Variants in FAM227B observed in about 807,000 individuals in gnomAD.
FAM227B encodes the protein protein FAM227B.
FAM227B carries 88 observed loss-of-function variants against 73.8 expected under a neutral mutation model. The ratio of observed to expected loss-of-function variants is 1.19; its 90% confidence interval spans 1.00 to 1.42. The LOEUF is 1.42. Among genes scored for constraint, FAM227B ranks in the 40% most tolerant of loss-of-function variants. The pLI is 0.00. For missense variants in FAM227B, 632 were observed against 590.9 expected, an observed-to-expected ratio of 1.07 and a Z score of -0.72; for synonymous variants, 210 against 190.5, an observed-to-expected ratio of 1.10 and a Z score of -0.84.
At chr15:49,343,263 G>C (rs2041007826) in intron 13 of FAM227B, among the ~76,000 whole-genome samples, 1 of 151,812 alleles carries the variant, frequency 6.6e-6, no homozygotes, top group African/African-American at 2.4e-5. Flanking sequence ...TGGTTATTTT[G>C]AAAGACTGGT....
At chr15:49,383,702 C>T (rs1371241042) in intron 11 of FAM227B, among the ~76,000 whole-genome samples, 2 of 152,032 alleles carry the variant, frequency 1.3e-5, no homozygotes, top group Non-Finnish European at 2.9e-5. Flanking sequence ...CAGTAGATAA[C>T]AGATGACGGA....
At chr15:49,533,381 T>C (rs76258219) in intron 10 of FAM227B, among the ~76,000 whole-genome samples, 3,013 of 152,082 alleles carry the variant, frequency 0.02, 124 homozygotes, top group African/African-American at 0.069. Context: ...ATATGTCTGT[T>C]AGGTCCATTT....
At chr15:49,328,808 G>A in intron 15 of FAM227B, 133 bp from the exon 16 acceptor site, 6 of 1,416,536 alleles carry the variant, frequency 4.2e-6, no homozygotes, top group African/African-American at 1.4e-5. Flanking sequence ...GAGGATACAG[G>A]AAGAAAATTC....
chr15:49,505,253 T>C (rs1430253128), intron 11 of FAM227B, among the ~76,000 whole-genome samples: 2 of 152,134 alleles, frequency 1.3e-5, no homozygotes, highest in Non-Finnish European at 2.9e-5. Context: ...TGTGGGTTGG[T>C]GGCAAGAAGG....
At chr15:49,489,905 GAGAGAGAGAC>G (rs2056921163) in intron 11 of FAM227B, among the ~76,000 whole-genome samples, 6 of 31,010 alleles carry the variant, frequency 1.9e-4, no homozygotes, top group Admixed American at 7.6e-4. Context: ...GAGAGAGAGA[GAGAGAGAGAC>G]AGAGAGAGAG....
Position 49,508,316 on chromosome 15 carries a change from A to G in FAM227B, c.907T>C (p.Trp303Arg). 6.2e-7 allele frequency: 1 copy of G among 1,607,474 alleles called. No homozygotes were observed. Among genetic ancestry groups the G allele is most frequent in the South Asian group, 1.1e-5 (1 of 89,682 alleles). Residue 303 changes from tryptophan to arginine, a missense_variant, in exon 11 of 16, where the codon TGG becomes CGG. Trp to Arg is a moderately radical substitution (Grantham distance 101). Coordinates refer to ENST00000299338, the MANE Select transcript of FAM227B (RefSeq NM_152647.3). Reference sequence around the variant, plus strand: ...GTTGTGGAGAGTTCTTTCAGTTTCCAGTGGATCCAAAAGCCTTTTTGAGGT... The same window carrying G: ...GTTGTGGAGAGTTCTTTCAGTTTCCGGTGGATCCAAAAGCCTTTTTGAGGT... ...LKPQKGFWIH[W>R]KLKELSTTTI...
intron 9 of FAM227B, among the ~76,000 whole-genome samples, chr15:49,564,946 C>T (rs773807015): frequency 2.6e-5 from 4 of 151,960 alleles, no homozygotes; most frequent in African/African-American, 4.8e-5. Context: ...CGAACCTGCA[C>T]GTGCACTCCC....
chr15:49,445,149 G>C (rs1191724356), intron 11 of FAM227B, among the ~76,000 whole-genome samples: 1 of 151,650 alleles, frequency 6.6e-6, no homozygotes, highest in Non-Finnish European at 1.5e-5. Context: ...GATTCAGGGA[G>C]TACATGTGTA....
At chr15:49,385,251 G>T (rs1033123961) in intron 11 of FAM227B, among the ~76,000 whole-genome samples, 5 of 151,872 alleles carry the variant, frequency 3.3e-5, no homozygotes, top group African/African-American at 1.2e-4. Flanking sequence ...ATGCAGAGTA[G>T]TATATTAGTT....
At chr15:49,412,303 CAT>C (rs757954045) in intron 11 of FAM227B, among the ~76,000 whole-genome samples, 20 of 151,936 alleles carry the variant, frequency 1.3e-4, no homozygotes, top group Admixed American at 9.2e-4. Flanking sequence ...TTAGTTTTAA[CAT>C]ATTCTTTTTG....
At chr15:49,501,028 A>G (rs2058090309) in intron 11 of FAM227B, among the ~76,000 whole-genome samples, 1 of 152,194 alleles carries the variant, frequency 6.6e-6, no homozygotes, top group Non-Finnish European at 1.5e-5. Flanking sequence ...CTTCCTGTAG[A>G]GCATCCAGAA....
intron 11 of FAM227B, among the ~76,000 whole-genome samples, chr15:49,502,001 G>T (rs2058176298): frequency 6.6e-6 from 1 of 152,330 alleles, no homozygotes; most frequent in East Asian, 1.9e-4. Flanking sequence ...GCTTCCTCAT[G>T]GTGTTAAGCC....
At chr15:49,507,225 T>G (rs2058649867) in intron 11 of FAM227B, among the ~76,000 whole-genome samples, 1 of 151,940 alleles carries the variant, frequency 6.6e-6, no homozygotes, top group African/African-American at 2.4e-5. Flanking sequence ...AAAACCACAG[T>G]TAAAATAGTG....
chr15:49,402,403 A>C (rs1054731568), intron 11 of FAM227B, among the ~76,000 whole-genome samples: 6 of 152,196 alleles, frequency 3.9e-5, no homozygotes, highest in Non-Finnish European at 7.3e-5. Flanking sequence ...GATTCTGTCT[A>C]TCCATGAGCA....
chr15:49,460,352 G>A (rs2053681933), intron 11 of FAM227B, among the ~76,000 whole-genome samples: 1 of 152,168 alleles, frequency 6.6e-6, no homozygotes, highest in Admixed American at 6.6e-5. Flanking sequence ...GGAAGGTGAA[G>A]TTTGATTTTA....
At chr15:49,356,055 C>A (rs560137234) in intron 13 of FAM227B, among the ~76,000 whole-genome samples, 4 of 150,022 alleles carry the variant, frequency 2.7e-5, no homozygotes, top group African/African-American at 1.0e-4. Flanking sequence ...GATTTTCTCA[C>A]CAACAGGCCT....
At chr15:49,528,426 T>G (rs147004041) in intron 10 of FAM227B, among the ~76,000 whole-genome samples, 1 of 151,680 alleles carries the variant, frequency 6.6e-6, no homozygotes, top group African/African-American at 2.4e-5. Context: ...AGAATTCTTC[T>G]TGACATTGTC....
intron 11 of FAM227B, among the ~76,000 whole-genome samples, chr15:49,432,570 A>G (rs1345640066): frequency 6.6e-6 from 1 of 151,604 alleles, no homozygotes; most frequent in Non-Finnish European, 1.5e-5. Context: ...TCAACTTGAG[A>G]GCTATTGTCT....
chr15:49,592,299 G>A (rs2076627281), intron 3 of FAM227B, among the ~76,000 whole-genome samples: 1 of 152,076 alleles, frequency 6.6e-6, no homozygotes, highest in South Asian at 2.1e-4. Context: ...CCATCTTTGT[G>A]GTTTTATCTA....
Sources: gnomAD v4.1 joint callset for allele counts (sites outside exome capture counted in the v4.1 genomes callset) on GRCh38, gnomAD v4.1.1 for gene constraint, MANE v1.5 for transcripts, NCBI Gene and HGNC (gene_info 2026-07-23, HGNC 2026-07-21) for gene names.